NSD2: variants seen among roughly 807,000 people sequenced by gnomAD.
The protein encoded by NSD2 is histone-lysine N-methyltransferase NSD2.
A neutral mutation model predicts 139.0 loss-of-function variants in NSD2; 12 were observed. That is an observed-to-expected ratio of 0.09 (90% confidence interval 0.06 to 0.14). NSD2 has a LOEUF of 0.14. Ranked by LOEUF, NSD2 falls within the 10% of genes least tolerant of loss-of-function variation. The pLI, the probability that NSD2 is intolerant of heterozygous loss-of-function variation, is 1.00. For missense variants in NSD2, 1,155 were observed against 1,745.0 expected (o/e 0.66, Z 6.02); for synonymous variants, 669 against 648.7 (o/e 1.03, Z -0.48).
chr4:1,889,602 A>G (rs1027550838), intron 1 of NSD2, among the ~76,000 whole-genome samples: 1 of 151,872 alleles, frequency 6.6e-6, no homozygotes. Flanking sequence ...CCTGAGTTCA[A>G]GCGATTCTCC....
chr4:1,903,828 G>A (rs1303487090), intron 2 of NSD2, among the ~76,000 whole-genome samples: 2 of 149,978 alleles, frequency 1.3e-5, no homozygotes, highest in South Asian at 2.1e-4. Flanking sequence ...TCCGCCTCCC[G>A]GGTTCACGCC....
Position 1,974,739 on chromosome 4 carries a change from C to A in NSD2, c.3373-124C>A. On this transcript the variant is annotated intron_variant, in intron 18 of 21. Transcript: ENST00000508803. This position sits in a 1 kb window ranked among gnomAD's most constrained non-coding sequence, Gnocchi z 4.0. ...GTGTCCTGTCTCAGTGGACACAGGA[C>A]ACCACGGTTTTCAGTACAACAAGGA... The A allele has an allele frequency of 7.2e-7, 1 of 1,383,280 alleles. No homozygotes were observed. The highest frequency in any genetic ancestry group is 1.0e-6 in the Non-Finnish European group (1 of 979,880). The allele number at this position is 1,383,280 out of a possible 1,614,324, so 85.7% of individuals were successfully genotyped here. A position where few individuals can be genotyped will look rare whatever the true frequency, so the allele number is the denominator to read the frequency against.
At chr4:1,920,791 T>C (rs560127018) in intron 5 of NSD2, among the ~76,000 whole-genome samples, 2 of 151,460 alleles carry the variant, frequency 1.3e-5, no homozygotes, top group South Asian at 4.2e-4. Context: ...CCCAGCACTT[T>C]GGGAGGGTGA....
chr4:1,942,010 G>A lies in NSD2; in HGVS notation c.1881+2232G>A. The A allele has an allele frequency of 8.7e-7, 1 of 1,143,964 alleles. No homozygotes were observed. The highest frequency in any genetic ancestry group is 4.3e-5 in the East Asian group (1 of 23,428). The allele number at this position is 1,143,964 out of a possible 1,614,324, so 70.9% of individuals were successfully genotyped here. Reference sequence around the variant, plus strand: ...GTCCACACTGACACACACCCATTGGGTCACACCCCCTTTGCATGTTTGTAT... The same window carrying A: ...GTCCACACTGACACACACCCATTGGATCACACCCCCTTTGCATGTTTGTAT... On this transcript the variant is annotated intron_variant, in intron 9 of 21. Coordinates refer to ENST00000508803, the MANE Select transcript of NSD2 (RefSeq NM_001042424.3). This position sits in a 1 kb window ranked among gnomAD's most constrained non-coding sequence, Gnocchi z 4.0.
At chr4:1,959,207 G>A (rs1372027535) in intron 16 of NSD2, among the ~76,000 whole-genome samples, 1 of 152,188 alleles carries the variant, frequency 6.6e-6, no homozygotes, top group East Asian at 1.9e-4. Flanking sequence ...GTCAGCTCTT[G>A]TTCATCAGCG....
intron 1 of NSD2, among the ~76,000 whole-genome samples, chr4:1,897,199 G>T (rs549065533): frequency 6.6e-6 from 1 of 151,772 alleles, no homozygotes; most frequent in East Asian, 1.9e-4. Context: ...AAAGTGGTTT[G>T]GGCTGGGTGC....
In NSD2 at chr4:1,948,752, C is replaced by T; in HGVS notation, c.1882-2320C>T. ...AACAGACTTTGTTAATGTAGGAAAT[C>T]TCTCCAAGTGGAAACGTGCTAACTT... is the stretch of plus-strand genomic sequence containing the variant. On this transcript the variant is annotated intron_variant, in intron 9 of 21. Transcript: ENST00000508803. This position sits in a 1 kb window ranked among gnomAD's most constrained non-coding sequence, Gnocchi z 4.5. 1 of 1,048,094 alleles carries T rather than the reference C, an allele frequency of 9.5e-7. No homozygotes were observed. Among genetic ancestry groups the T allele is most frequent in the Non-Finnish European group, 1.2e-6 (1 of 867,482 alleles). 64.9% of individuals were successfully genotyped at this position (1,048,094 alleles called of 1,614,324 possible).
At position 1,883,323 on chromosome 4, in the gene NSD2, C is replaced by G. The variant is rs888837015; in HGVS notation, c.-30+11781C>G. On this transcript the variant is annotated intron_variant, in intron 1 of 21. Transcript: ENST00000508803. ...GAACCCCACCTTGATACCCCTCCCC[C>G]CATTTAAAAGTGTACCCCCTCTGCA... 2.6e-5 allele frequency among the ~76,000 whole-genome samples: 4 copies of G among 151,912 alleles called. 1 individual carries two copies. In the South Asian group the frequency reaches 6.2e-4, roughly 24 times the overall value.
intron 5 of NSD2, among the ~76,000 whole-genome samples, chr4:1,929,306 G>C (rs1465456120): frequency 6.6e-6 from 1 of 152,178 alleles, no homozygotes; most frequent in African/African-American, 2.4e-5. Flanking sequence ...GAGGTTACCT[G>C]TATTGGCTGG....
chr4:1,948,464 CG>C lies in NSD2; in HGVS notation c.1882-2607del. ...AGTAAGGCTTGCTGTGGGACGCCCT[CG>C]TACTTTGCTCTCCTTGCGGGTGGTT... is the stretch of plus-strand genomic sequence containing the variant. On this transcript the variant is annotated intron_variant, in intron 9 of 21. Transcript: ENST00000508803. This position sits in a 1 kb window ranked among gnomAD's most constrained non-coding sequence, Gnocchi z 4.5. The C allele has an allele frequency of 9.4e-7, 1 of 1,065,672 alleles. No homozygotes were observed. The highest frequency in any genetic ancestry group is 1.1e-6 in the Non-Finnish European group (1 of 878,646). 66.0% of individuals were successfully genotyped at this position (1,065,672 alleles called of 1,614,324 possible).
At position 1,906,640 on chromosome 4, in the gene NSD2, T is replaced by TTC. The variant is rs1325263180; in HGVS notation, c.760+2276_760+2277dup. Among the ~76,000 whole-genome samples, 237 of 149,974 alleles carry TTC rather than the reference T, an allele frequency of 1.6e-3. 1 individual carries two copies. Among genetic ancestry groups the TTC allele is most frequent in the African/African-American group, 4.2e-3 (169 of 40,692 alleles). On this transcript the variant is annotated intron_variant, in intron 3 of 21. Coordinates refer to ENST00000508803, the MANE Select transcript of NSD2 (RefSeq NM_001042424.3). ...CATTCAGATATACTGCCATTTTTACTTCTCTCTCTCTCTCTTTTTTTTTTT... is the reference window on the plus strand; with the variant it reads ...CATTCAGATATACTGCCATTTTTACTTCTCTCTCTCTCTCTCTTTTTTTTTTT...
chr4:1,967,158 A>T (rs539069170), intron 18 of NSD2, among the ~76,000 whole-genome samples: 1 of 152,378 alleles, frequency 6.6e-6, no homozygotes, highest in South Asian at 2.1e-4. Context: ...ACTGTACTCC[A>T]GTAAATTGGA....
chr4:1,929,691 GT>G (rs1721404287), intron 5 of NSD2, among the ~76,000 whole-genome samples: 1 of 152,164 alleles, frequency 6.6e-6, no homozygotes, highest in Non-Finnish European at 1.5e-5. Context: ...ATATTATGAT[GT>G]TTTTCAGACA....
At chr4:1,906,723 C>A (rs151189148) in intron 3 of NSD2, among the ~76,000 whole-genome samples, 1 of 145,632 alleles carries the variant, frequency 6.9e-6, no homozygotes, top group East Asian at 2.0e-4. Flanking sequence ...TGCACTGGCG[C>A]GATCTCAGCT....
At chr4:1,965,407 T>G (rs1393931293) in intron 18 of NSD2, among the ~76,000 whole-genome samples, 1 of 152,172 alleles carries the variant, frequency 6.6e-6, no homozygotes, top group Non-Finnish European at 1.5e-5. Flanking sequence ...CCAATATATC[T>G]ATTGTGGGAG....
chr4:1,953,306 T>C lies in NSD2; in HGVS notation c.2138-18T>C. ...TCTTTGCACCTCTCTCTCCACCCCT[T>C]CTTTAACTTTTTGTTAGGGATTCAC... On this transcript the variant is annotated intron_variant, in intron 11 of 21. Coordinates refer to ENST00000508803, the MANE Select transcript of NSD2 (RefSeq NM_001042424.3). The C allele has an allele frequency of 1.9e-6, 3 of 1,614,228 alleles. No homozygotes were observed. The South Asian group carries it at 3.3e-5, about 18-fold the overall frequency.
At chr4:1,964,423 GGGGTT>G (rs1187991081) in intron 18 of NSD2, among the ~76,000 whole-genome samples, 1 of 152,152 alleles carries the variant, frequency 6.6e-6, no homozygotes, top group Non-Finnish European at 1.5e-5. Context: ...ATGGCAAATT[GGGGTT>G]AATTTTGGTT....
chr4:1,907,615 C>CTTTTTTTTTTTTTTTTT (rs765535552), intron 3 of NSD2, among the ~76,000 whole-genome samples: 1 of 93,630 alleles, frequency 1.1e-5, no homozygotes, highest in African/African-American at 4.1e-5. Context: ...TGTTGAATCT[C>CTTTTTTTTTTTTTTTTT]TTTTTTTTTT....
At chr4:1,906,539 C>T (rs1338200345) in intron 3 of NSD2, among the ~76,000 whole-genome samples, 1 of 151,914 alleles carries the variant, frequency 6.6e-6, no homozygotes, top group African/African-American at 2.4e-5. Flanking sequence ...AGTGCCGCAG[C>T]CCAACTTATA....
Sources: allele counts gnomAD v4.1 joint callset (sites outside exome capture counted in the v4.1 genomes callset), GRCh38; gene constraint gnomAD v4.1.1; non-coding constraint Gnocchi (gnomAD v3.1); transcripts MANE v1.5; gene names NCBI Gene and HGNC (gene_info 2026-07-23, HGNC 2026-07-21).